ARHGAP26: variants seen among roughly 807,000 people sequenced by gnomAD.
The protein encoded by ARHGAP26 is rho GTPase-activating protein 26.
In ARHGAP26, 38 loss-of-function variants were observed where a neutral mutation model predicts 104.8. That is an observed-to-expected ratio of 0.36 (90% CI 0.28 to 0.48). The LOEUF (loss-of-function observed/expected upper bound fraction) is 0.48. ARHGAP26 is among the 20% of genes least tolerant of loss of function. The pLI is 0.99. For missense variants in ARHGAP26, 704 were observed against 947.9 expected (o/e 0.74, Z 3.38); for synonymous variants, 341 against 340.0 (o/e 1.00, Z -0.03).
At chr5:143,134,753 G>A (rs1797732359) in intron 19 of ARHGAP26, among the ~76,000 whole-genome samples, 1 of 152,194 alleles carries the variant, frequency 6.6e-6, no homozygotes, top group Non-Finnish European at 1.5e-5. Flanking sequence ...AAAATATACA[G>A]TATTGTTTCA....
At chr5:142,856,048 G>A (rs145875267) in intron 1 of ARHGAP26, among the ~76,000 whole-genome samples, 3 of 152,348 alleles carry the variant, frequency 2.0e-5, no homozygotes, top group East Asian at 1.9e-4. Context: ...AGTGAGGGAC[G>A]TCTCTTTATG....
At chr5:143,109,393 C>T (rs1279703042) in intron 17 of ARHGAP26, among the ~76,000 whole-genome samples, 1 of 152,050 alleles carries the variant, frequency 6.6e-6, no homozygotes, top group Non-Finnish European at 1.5e-5. Flanking sequence ...GTCTTGAATT[C>T]TCTTATTGGG....
At chr5:142,823,822 C>T (rs1766683119) in intron 1 of ARHGAP26, among the ~76,000 whole-genome samples, 1 of 152,134 alleles carries the variant, frequency 6.6e-6, no homozygotes, top group African/African-American at 2.4e-5. Flanking sequence ...GCAGTCTTTC[C>T]TTAGGCTACT....
chr5:142,904,154 C>T (rs1196115211), intron 8 of ARHGAP26, among the ~76,000 whole-genome samples: 1 of 152,026 alleles, frequency 6.6e-6, no homozygotes, highest in African/African-American at 2.4e-5. Flanking sequence ...TTCATTCCAA[C>T]ACTTGAATTT....
At chr5:143,031,255 C>A (rs943195628) in intron 12 of ARHGAP26, among the ~76,000 whole-genome samples, 2 of 152,240 alleles carry the variant, frequency 1.3e-5, no homozygotes, top group Non-Finnish European at 1.5e-5. Flanking sequence ...TGGGGTTATT[C>A]TCCCAAGGGC....
chr5:143,066,000 G>A (rs1304679988), intron 17 of ARHGAP26, among the ~76,000 whole-genome samples: 1 of 152,138 alleles, frequency 6.6e-6, no homozygotes, highest in African/African-American at 2.4e-5. Context: ...AGAATCCCCT[G>A]GTAAAGTAGT....
At chr5:143,127,564 A>G (rs1178107722) in intron 18 of ARHGAP26, among the ~76,000 whole-genome samples, 1 of 152,170 alleles carries the variant, frequency 6.6e-6, no homozygotes, top group Admixed American at 6.5e-5. Context: ...GGAGCTAGCA[A>G]TCATGGATGA....
chr5:143,014,475 C>T (rs1779322911), intron 12 of ARHGAP26: 1 of 226,570 alleles, frequency 4.4e-6, no homozygotes, highest in African/African-American at 2.3e-5. Flanking sequence ...GAGCCTTATC[C>T]TGTGGGAAAG....
At chr5:142,814,207 T>C (rs1336524043) in intron 1 of ARHGAP26, among the ~76,000 whole-genome samples, 1 of 152,226 alleles carries the variant, frequency 6.6e-6, no homozygotes, top group African/African-American at 2.4e-5. Context: ...GATATTGTCC[T>C]TCAGACAAGA....
intron 12 of ARHGAP26, among the ~76,000 whole-genome samples, chr5:143,020,566 C>T (rs1267827177): frequency 6.6e-6 from 1 of 151,888 alleles, no homozygotes; most frequent in Non-Finnish European, 1.5e-5. Flanking sequence ...AACACTTCCT[C>T]CTCTTTGCAT....
At chr5:142,988,365 G>T (rs553814508) in intron 11 of ARHGAP26, among the ~76,000 whole-genome samples, 107 of 152,030 alleles carry the variant, frequency 7.0e-4, no homozygotes, top group Admixed American at 2.7e-3. Context: ...ATTGTTTCTA[G>T]TTTATTCTTC....
chr5:143,041,418 A>T (rs906809014), intron 13 of ARHGAP26: 2 of 169,646 alleles, frequency 1.2e-5, no homozygotes, highest in African/African-American at 4.8e-5. Flanking sequence ...ATAGATTATA[A>T]AGTGTCTTTT....
intron 14 of ARHGAP26, among the ~76,000 whole-genome samples, chr5:143,048,904 C>T (rs1345458519): frequency 2.2e-5 from 3 of 139,150 alleles, no homozygotes; most frequent in East Asian, 2.0e-4. Context: ...CAGAATGAGA[C>T]TCCATCTCAA....
chr5:142,879,521 A>C lies in ARHGAP26; in HGVS notation c.384+76A>C, dbSNP rs1037793302. The C allele has an allele frequency of 2.7e-5, 36 of 1,331,806 alleles. No homozygotes were observed. In the African/African-American group the frequency reaches 4.9e-4, roughly 18 times the overall value. 82.5% of individuals were successfully genotyped at this position (1,331,806 alleles called of 1,614,324 possible). A position where few individuals can be genotyped will look rare whatever the true frequency, so the allele number is the denominator to read the frequency against. On this transcript the variant is annotated intron_variant, in intron 4 of 22. Transcript: ENST00000645722. ...AACATAGCACCTTTCTTTAAAACAA[A>C]GTCTTCAGAAATGTCTTCAGAAAAT...
intron 11 of ARHGAP26, among the ~76,000 whole-genome samples, chr5:142,974,447 C>A (rs1486873499): frequency 6.6e-6 from 1 of 152,114 alleles, no homozygotes; most frequent in African/African-American, 2.4e-5. Context: ...GGCAATGGCC[C>A]TCTTTACATG....
intron 1 of ARHGAP26, among the ~76,000 whole-genome samples, chr5:142,781,077 G>A (rs1757399342): frequency 6.6e-6 from 1 of 152,204 alleles, no homozygotes; most frequent in Non-Finnish European, 1.5e-5. Context: ...TTGAGAGGAG[G>A]CAGGGAAACA....
At chr5:142,851,750 CTG>C (rs1751564361) in intron 1 of ARHGAP26, among the ~76,000 whole-genome samples, 1 of 152,212 alleles carries the variant, frequency 6.6e-6, no homozygotes. Context: ...CCTTTAGTTG[CTG>C]TGTTTTCTCC....
intron 10 of ARHGAP26, among the ~76,000 whole-genome samples, chr5:142,918,950 G>GAT (rs967795142): frequency 5.3e-5 from 8 of 152,116 alleles, no homozygotes; most frequent in Non-Finnish European, 1.2e-4. Flanking sequence ...TTAATAATAT[G>GAT]ATATGGCTTT....
At chr5:142,867,558 T>C (rs1754538876) in intron 1 of ARHGAP26, among the ~76,000 whole-genome samples, 1 of 152,212 alleles carries the variant, frequency 6.6e-6, no homozygotes, top group Non-Finnish European at 1.5e-5. Context: ...GAGCGATCTC[T>C]GGGGACTCTT....
Sources: gnomAD v4.1 joint callset for allele counts (sites outside exome capture counted in the v4.1 genomes callset) on GRCh38, gnomAD v4.1.1 for gene constraint, MANE v1.5 for transcripts, NCBI Gene and HGNC (gene_info 2026-07-23, HGNC 2026-07-21) for gene names.